Variants in GPC4 observed in about 807,000 individuals in gnomAD.
The protein encoded by GPC4 is glypican-4.
Under a neutral mutation model 35.0 loss-of-function variants are expected in GPC4, and 10 were observed. That is an observed-to-expected ratio of 0.29 (90% CI 0.18 to 0.48). The LOEUF is 0.48. GPC4 is among the 20% of genes least tolerant of loss of function. The probability of loss-of-function intolerance (pLI) is 0.99; values close to 1 mark genes in which losing one functional copy is unlikely to be tolerated. For synonymous variants in GPC4, 167 were observed against 170.2 expected, an observed-to-expected ratio of 0.98 and a Z score of 0.15; for missense variants, 322 against 451.3, an observed-to-expected ratio of 0.71 and a Z score of 2.60.
At chrX:133,391,620 A>G (rs1172246092) in intron 1 of GPC4, among the ~76,000 whole-genome samples, 2 of 112,174 alleles carry the variant, frequency 1.8e-5, no homozygotes, top group Non-Finnish European at 3.8e-5. Flanking sequence ...TTGCTTCGTG[A>G]ACACAAGGAG....
chrX:133,378,976 A>T (rs1364163468), intron 1 of GPC4, among the ~76,000 whole-genome samples: 1 of 112,372 alleles, frequency 8.9e-6, no homozygotes, highest in Admixed American at 9.4e-5. Flanking sequence ...AGTCAGAAAG[A>T]CGTGGGTTCA....
intron 1 of GPC4, among the ~76,000 whole-genome samples, chrX:133,356,220 G>C (rs1301947609): frequency 9.0e-6 from 1 of 111,392 alleles, no homozygotes; most frequent in Non-Finnish European, 1.9e-5. Flanking sequence ...CAGATACTTA[G>C]TGAATGGCCT....
Position 133,305,811 on chromosome X carries a change from T to C in GPC4, c.1116A>G (p.Glu372=), listed in dbSNP as rs199522386. ...SARFRPHHPE[E]RPTTAAGTSL... ...TAGTGCCAGCTGCTGTGGTTGGGCG[T>C]TCCTCGGGGTGATGTGGTCTGAAGC... Residue 372 remains glutamate, a synonymous_variant, in exon 6 of 9, where the codon GAA becomes GAG. Transcript: ENST00000370828. The C allele has an allele frequency of 1.7e-6, 2 of 1,210,069 alleles. No homozygotes were observed. Among genetic ancestry groups the C allele is most frequent in the East Asian group, 5.9e-5 (2 of 33,748 alleles).
At chrX:133,340,505 G>A (rs1267672057) in intron 1 of GPC4, among the ~76,000 whole-genome samples, 1 of 111,924 alleles carries the variant, frequency 8.9e-6, no homozygotes, top group Non-Finnish European at 1.9e-5. Context: ...GTATACTGAA[G>A]ACATGTGAAC....
intron 1 of GPC4, among the ~76,000 whole-genome samples, chrX:133,348,007 A>C (rs752941526): frequency 1.5e-3 from 169 of 112,294 alleles, no homozygotes; most frequent in African/African-American, 5.2e-3. Context: ...AGAAACACAT[A>C]CATTCAATAA....
intron 1 of GPC4, among the ~76,000 whole-genome samples, chrX:133,376,837 C>G (rs949557065): frequency 8.9e-6 from 1 of 111,928 alleles, no homozygotes; most frequent in African/African-American, 3.2e-5. Flanking sequence ...CTCTCCCCCA[C>G]ATGGGACATT....
chrX:133,311,863 G>A (rs1008670590), intron 3 of GPC4, among the ~76,000 whole-genome samples: 3 of 112,011 alleles, frequency 2.7e-5, no homozygotes, highest in African/African-American at 9.7e-5. Flanking sequence ...TTGCCAGACT[G>A]GAACAGAAGC....
intron 1 of GPC4, among the ~76,000 whole-genome samples, chrX:133,384,129 C>T (rs762158287): frequency 2.7e-5 from 3 of 112,001 alleles, no homozygotes; most frequent in Non-Finnish European, 5.6e-5. Flanking sequence ...AATGGCTATG[C>T]GCAAGATAAA....
chrX:133,401,373 C>A (rs911043162), intron 1 of GPC4, among the ~76,000 whole-genome samples: 5 of 111,157 alleles, frequency 4.5e-5, no homozygotes, highest in Non-Finnish European at 7.5e-5. Flanking sequence ...CTGATATGGG[C>A]GACTGCAATA....
At chrX:133,341,480 A>G (rs2068466527) in intron 1 of GPC4, among the ~76,000 whole-genome samples, 1 of 111,957 alleles carries the variant, frequency 8.9e-6, no homozygotes, top group Admixed American at 9.4e-5. Flanking sequence ...TGTTTTTTCA[A>G]GCACCTGCAA....
intron 1 of GPC4, among the ~76,000 whole-genome samples, chrX:133,378,978 G>T (rs140826662): frequency 0.019 from 2,144 of 112,395 alleles, 60 homozygotes; most frequent in African/African-American, 0.065. Flanking sequence ...TCAGAAAGAC[G>T]TGGGTTCACT....
intron 3 of GPC4, among the ~76,000 whole-genome samples, chrX:133,315,362 CACTT>C (rs1320515048): frequency 1.8e-5 from 2 of 110,167 alleles, no homozygotes; most frequent in Non-Finnish European, 3.8e-5. Context: ...CCAGTGGTGG[CACTT>C]ACTGTCACAT....
intron 1 of GPC4, among the ~76,000 whole-genome samples, chrX:133,361,969 T>C (rs1461926925): frequency 9.1e-6 from 1 of 110,000 alleles, no homozygotes; most frequent in Non-Finnish European, 1.9e-5. Context: ...TCCCAGCACT[T>C]TGGGGAGTCT....
intron 1 of GPC4, among the ~76,000 whole-genome samples, chrX:133,397,866 GC>G (rs1389074321): frequency 9.0e-6 from 1 of 111,662 alleles, no homozygotes; most frequent in Admixed American, 9.5e-5. Context: ...TTCGAGACCA[GC>G]CTGAGCAACA....
chrX:133,337,539 G>A (rs1215283078), intron 2 of GPC4, among the ~76,000 whole-genome samples: 1 of 111,721 alleles, frequency 9.0e-6, no homozygotes, highest in East Asian at 2.8e-4. Context: ...TGCTGCCAAC[G>A]GGAGAGTCAT....
intron 1 of GPC4, among the ~76,000 whole-genome samples, chrX:133,369,874 C>T (rs1443821401): frequency 2.7e-5 from 3 of 110,743 alleles, no homozygotes; most frequent in Non-Finnish European, 5.7e-5. Context: ...ATTAACAACC[C>T]ACCATTCAAG....
At position 133,324,143 on chromosome X, in the gene GPC4, A is replaced by G. The variant is rs1478893445; in HGVS notation, c.711+2T>C. On this transcript the variant is annotated splice_donor_variant, in intron 3 of 8. Transcript: ENST00000370828. LOFTEE classifies it high-confidence loss of function. ...AAAACAGAGAAGACAAGGAGTACTT[A>G]CCACGGAGACCTTGCTCACGACATC... 1.7e-6 allele frequency: 2 copies of G among 1,191,497 alleles called. No homozygotes were observed. The highest frequency in any genetic ancestry group is 3.8e-5 in the South Asian group (2 of 52,929).
chrX:133,383,742 G>A (rs930032070), intron 1 of GPC4, among the ~76,000 whole-genome samples: 1 of 111,735 alleles, frequency 8.9e-6, no homozygotes, highest in African/African-American at 3.3e-5. Flanking sequence ...AGCTACTCAG[G>A]AGGCTGAGGC....
At chrX:133,328,281 C>T (rs973671012) in intron 2 of GPC4, among the ~76,000 whole-genome samples, 2 of 111,530 alleles carry the variant, frequency 1.8e-5, no homozygotes, top group Non-Finnish European at 3.8e-5. Flanking sequence ...AGCCCTGTTG[C>T]TTGGGACTAT....
Sources: gnomAD v4.1 joint callset for allele counts (sites outside exome capture counted in the v4.1 genomes callset) on GRCh38, gnomAD v4.1.1 for gene constraint, MANE v1.5 for transcripts, NCBI Gene and HGNC (gene_info 2026-07-23, HGNC 2026-07-21) for gene names.